GOLT1B: variants seen among roughly 807,000 people sequenced by gnomAD.
GOLT1B encodes golgi transport 1B, also known as vesicle transport protein GOT1B.
In GOLT1B, 3 loss-of-function variants were observed where a neutral mutation model predicts 15.4. The observed-to-expected ratio is 0.19, with a 90% CI of 0.09 to 0.50. The LOEUF (loss-of-function observed/expected upper bound fraction) is 0.50, where lower values mean the gene tolerates loss of function less well. Ranked by LOEUF, GOLT1B falls within the 20% of genes least tolerant of loss-of-function variation. The pLI, the probability that GOLT1B is intolerant of heterozygous loss-of-function variation, is 0.97. For synonymous variants in GOLT1B, 65 were observed against 56.2 expected (o/e 1.16, Z -0.70); for missense variants, 145 against 160.4 (o/e 0.90, Z 0.52).
Position 21,501,902 on chromosome 12 carries a change from C to A in GOLT1B, c.-22C>A. ...CCTGGGCTTTCCGAGGTGCTGTCGCCGCTGTCCCCACCACTGCAGCCATGA... is the reference window on the plus strand; with the variant it reads ...CCTGGGCTTTCCGAGGTGCTGTCGCAGCTGTCCCCACCACTGCAGCCATGA... On this transcript the variant is annotated 5_prime_UTR_variant, in exon 1 of 5. Transcript: ENST00000229314. 1 of 1,591,408 alleles carries A rather than the reference C, an allele frequency of 6.3e-7. No homozygotes were observed. Among genetic ancestry groups the A allele is most frequent in the Non-Finnish European group, 8.6e-7 (1 of 1,159,474 alleles).
intron 1 of GOLT1B, among the ~76,000 whole-genome samples, chr12:21,505,055 T>G (rs1048779218): frequency 3.3e-5 from 5 of 152,198 alleles, no homozygotes; most frequent in Non-Finnish European, 5.9e-5. Flanking sequence ...TTAGGCAACT[T>G]AAGTCAACTC....
intron 3 of GOLT1B, 96 bp downstream of exon 3, chr12:21,508,657 A>G (rs1943696598): frequency 3.0e-6 from 2 of 677,804 alleles, no homozygotes; most frequent in Non-Finnish European, 5.2e-6. Context: ...GATGATGATC[A>G]TTTCCTTAAA....
At chr12:21,509,029 A>G (rs1034299978) in intron 3 of GOLT1B, among the ~76,000 whole-genome samples, 5 of 152,204 alleles carry the variant, frequency 3.3e-5, no homozygotes, top group African/African-American at 1.2e-4. Flanking sequence ...ATACACTACT[A>G]TGGGAGATTT....
intron 4 of GOLT1B, among the ~76,000 whole-genome samples, chr12:21,514,382 A>G (rs1465732275): frequency 6.6e-6 from 1 of 152,238 alleles, no homozygotes; most frequent in Non-Finnish European, 1.5e-5. Flanking sequence ...TGGCTTACCT[A>G]TGGAAGAATA....
chr12:21,513,616 C>T (rs1477775980), intron 4 of GOLT1B, among the ~76,000 whole-genome samples: 1 of 151,716 alleles, frequency 6.6e-6, no homozygotes, highest in African/African-American at 2.4e-5. Context: ...CCCAGCCTTA[C>T]CTCTCATTTA....
chr12:21,507,418 T>G (rs1046458805), intron 2 of GOLT1B: 1 of 213,664 alleles, frequency 4.7e-6, no homozygotes, highest in African/African-American at 2.4e-5. Context: ...GAAAGGGATC[T>G]ATGTTGTTTA....
intron 1 of GOLT1B, among the ~76,000 whole-genome samples, chr12:21,506,293 C>G (rs1404289263): frequency 1.3e-5 from 2 of 151,924 alleles, no homozygotes; most frequent in Non-Finnish European, 2.9e-5. Context: ...AAAAGTGATG[C>G]CTGACCTTCT....
intron 3 of GOLT1B, among the ~76,000 whole-genome samples, chr12:21,509,124 T>G (rs1943700813): frequency 6.6e-6 from 1 of 151,666 alleles, no homozygotes; most frequent in Non-Finnish European, 1.5e-5. Context: ...TTTGGCCAGG[T>G]GCGGTGGCTC....
chr12:21,505,020 C>G (rs77480885), intron 1 of GOLT1B, among the ~76,000 whole-genome samples: 4,163 of 152,176 alleles, frequency 0.027, 77 homozygotes, highest in Non-Finnish European at 0.041. Context: ...GACCTTGGTT[C>G]GAATGCTTAT....
At chr12:21,504,592 C>T (rs756091165) in intron 1 of GOLT1B, 15 of 508,678 alleles carry the variant, frequency 2.9e-5, no homozygotes, top group Non-Finnish European at 5.9e-5. Flanking sequence ...TTGTACCTGC[C>T]TCCATACCAC....
intron 3 of GOLT1B, 65 bp from the exon 4 acceptor site, chr12:21,512,230 G>T: frequency 3.6e-6 from 3 of 823,106 alleles, no homozygotes; most frequent in Non-Finnish European, 6.2e-6. Flanking sequence ...TTTTTCCTTG[G>T]TTAGCAATTA....
chr12:21,513,269 A>G (rs1943733104), intron 4 of GOLT1B, among the ~76,000 whole-genome samples: 1 of 152,288 alleles, frequency 6.6e-6, no homozygotes, highest in Non-Finnish European at 1.5e-5. Flanking sequence ...TTCAAAGTTA[A>G]CAAATAGAGT....
At chr12:21,502,220 C>T (rs1943635929) in intron 1 of GOLT1B, among the ~76,000 whole-genome samples, 1 of 152,150 alleles carries the variant, frequency 6.6e-6, no homozygotes, top group Admixed American at 6.5e-5. Context: ...TGTCTCATTC[C>T]AGGGTCGCGC....
In GOLT1B at chr12:21,516,933, C is replaced by T. The variant is rs1014607099; in HGVS notation, c.*1226C>T. 2 of 152,230 alleles carry T rather than the reference C, an allele frequency of 1.3e-5. No individual in the cohort carries two copies. Among genetic ancestry groups the T allele is most frequent in the Non-Finnish European group, 2.9e-5 (2 of 67,834 alleles). 9.4% of individuals were successfully genotyped at this position (152,230 alleles called of 1,614,324 possible). On this transcript the variant is annotated 3_prime_UTR_variant, in exon 5 of 5. Transcript: ENST00000229314. ...TAAAAAAAAAGTGTTTTTTTTCCAC[C>T]GTTGCTGATTATTAGACAGTAGGAA...
chr12:21,511,207 T>G (rs1038668042), intron 3 of GOLT1B, among the ~76,000 whole-genome samples: 1 of 152,206 alleles, frequency 6.6e-6, no homozygotes, highest in Non-Finnish European at 1.5e-5. Flanking sequence ...TCAGACTAAT[T>G]TACTAGAGAG....
In GOLT1B at chr12:21,517,290, A is replaced by G. The variant is rs1943763187; in HGVS notation, c.*1583A>G. 1 of 152,464 alleles carries G rather than the reference A, an allele frequency of 6.6e-6. No homozygotes were observed. The highest frequency in any genetic ancestry group is 6.5e-5 in the Admixed American group (1 of 15,268). The allele number at this position is 152,464 out of a possible 1,614,324, so 9.4% of individuals were successfully genotyped here. A position where few individuals can be genotyped will look rare whatever the true frequency, so the allele number is the denominator to read the frequency against. ...GGATTAAGACATTTTTGGTACTTGC[A>G]TTTGACTTACGATGTATCTGTGAAA... On this transcript the variant is annotated 3_prime_UTR_variant, in exon 5 of 5. Coordinates refer to ENST00000229314, the MANE Select transcript of GOLT1B (RefSeq NM_016072.5).
At chr12:21,513,331 A>G (rs1011061573) in intron 4 of GOLT1B, among the ~76,000 whole-genome samples, 3 of 152,228 alleles carry the variant, frequency 2.0e-5, no homozygotes, top group African/African-American at 7.2e-5. Context: ...CTAAACTGCT[A>G]CCTTGAAGGT....
rs550306174 is a variant in GOLT1B at position 21,517,429 on chromosome 12, C to G, written c.*1722C>G. 13 of 152,512 alleles carry G rather than the reference C, an allele frequency of 8.5e-5. No homozygotes were observed. Among genetic ancestry groups the G allele is most frequent in the Non-Finnish European group, 4.4e-5 (3 of 67,854 alleles). 9.4% of individuals were successfully genotyped at this position (152,512 alleles called of 1,614,324 possible). On this transcript the variant is annotated 3_prime_UTR_variant, in exon 5 of 5. Transcript: ENST00000229314. The stretch of plus-strand genomic sequence containing the variant: ...AGTAATATCCTCACTTGGAGAGTGT[C>G]AAATACATACTTTGAGGATTGACTT...
Position 21,518,342 on chromosome 12 carries a change from A to T in GOLT1B, c.*2635A>T, listed in dbSNP as rs1465611796. The T allele has an allele frequency of 1.3e-5, 2 of 152,130 alleles. No homozygotes were observed. The highest frequency in any genetic ancestry group is 1.3e-4 in the Admixed American group (2 of 15,272). The allele number at this position is 152,130 out of a possible 1,614,324, so 9.4% of individuals were successfully genotyped here. Reference sequence around the variant, plus strand: ...ACAAATAGACTTCAAGTAAGCAAAAATGTTCTTAATTTTGAAAACTGTAAA... The same window carrying T: ...ACAAATAGACTTCAAGTAAGCAAAATTGTTCTTAATTTTGAAAACTGTAAA... On this transcript the variant is annotated 3_prime_UTR_variant, in exon 5 of 5. Transcript: ENST00000229314.
Sources: allele counts gnomAD v4.1 joint callset (sites outside exome capture counted in the v4.1 genomes callset), GRCh38; gene constraint gnomAD v4.1.1; transcripts MANE v1.5; gene names NCBI Gene and HGNC (gene_info 2026-07-23, HGNC 2026-07-21).